RPGR: variants seen among roughly 807,000 people sequenced by gnomAD.
RPGR encodes X-linked retinitis pigmentosa GTPase regulator.
Under a neutral mutation model 56.3 loss-of-function variants are expected in RPGR, and 10 were observed. That is an observed-to-expected ratio of 0.18 (90% CI 0.11 to 0.30). RPGR has a LOEUF of 0.30. Among genes scored for constraint, RPGR ranks in the 10% least tolerant of loss-of-function variants. The pLI is 1.00. For missense variants in RPGR, 538 were observed against 590.9 expected (o/e 0.91, Z 0.93); for synonymous variants, 197 against 212.9 (o/e 0.93, Z 0.65).
At chrX:38,292,448 AT>A (rs777260945) in intron 11 of RPGR, among the ~76,000 whole-genome samples, 12 of 111,846 alleles carry the variant, frequency 1.1e-4, no homozygotes, top group Admixed American at 6.7e-4. Flanking sequence ...CTATGCCCTC[AT>A]TGATCACCAA....
In RPGR at chrX:38,319,213, T is replaced by C. The variant is rs769929985; in HGVS notation, c.311-226A>G. Among the ~76,000 whole-genome samples, 17 of 112,556 alleles carry C rather than the reference T, an allele frequency of 1.5e-4. No individual in the cohort carries two copies. The South Asian group carries it at 6.2e-3, about 41-fold the overall frequency. On this transcript the variant is annotated intron_variant, in intron 4 of 18. Transcript: ENST00000642395. ...ATCAATCTAGAATGTAACTAGCAAC[T>C]GAAATGAACAGAATGCATGGAACGT...
intron 15 of RPGR, 33 bp downstream of exon 15, chrX:38,284,375 A>G (rs76689439): frequency 0.058 from 34,864 of 601,706 alleles, 986 homozygotes; most frequent in South Asian, 0.15. Flanking sequence ...AATACTAGAC[A>G]GTTTATCTTT....
At chrX:38,315,057 C>T (rs112932649) in intron 6 of RPGR, among the ~76,000 whole-genome samples, 1,132 of 111,537 alleles carry the variant, frequency 0.01, 10 homozygotes, top group African/African-American at 0.034. Context: ...GGGCCAGACG[C>T]GGTGGCTCAC....
At position 38,269,533 on chromosome X, in the gene RPGR, A is replaced by T. The variant is rs1390561706; in HGVS notation, c.*93T>A. 1 of 616,697 alleles carries T rather than the reference A, an allele frequency of 1.6e-6. No individual in the cohort carries two copies. The highest frequency in any genetic ancestry group is 3.5e-5 in the East Asian group (1 of 28,343). The allele number at this position is 616,697 out of a possible 1,213,427, so 50.8% of individuals were successfully genotyped here. ...ACATATTAAGTCTTATATCTTTTAA[A>T]GACTACTATCAGAAACTTTACTTCA... On this transcript the variant is annotated 3_prime_UTR_variant, in exon 19 of 19. Coordinates refer to ENST00000642395, the MANE Select transcript of RPGR (RefSeq NM_000328.3).
chrX:38,325,085 G>C (rs2068023333), intron 1 of RPGR, among the ~76,000 whole-genome samples: 1 of 104,734 alleles, frequency 9.5e-6, no homozygotes, highest in African/African-American at 3.5e-5. Context: ...CAGGACAATT[G>C]CATGAACCCC....
chrX:38,273,274 T>G, intron 18 of RPGR: 5 of 552,666 alleles, frequency 9.0e-6, no homozygotes, highest in Non-Finnish European at 1.5e-5. Flanking sequence ...CTTCAGGTTT[T>G]GGGGCCATGA....
intron 8 of RPGR, among the ~76,000 whole-genome samples, chrX:38,301,686 G>C (rs1235351371): frequency 1.8e-5 from 2 of 111,290 alleles, no homozygotes; most frequent in Non-Finnish European, 3.8e-5. Context: ...TATTCCAAGG[G>C]AAGGAGAAGG....
Position 38,321,188 on chromosome X carries a change from C to T in RPGR, c.248-99G>A. ...AAGTGATAGAACCGAGATTTAATAG[C>T]GGGCTTGTCTGATTCCAAAGTCAAT... On this transcript the variant is annotated intron_variant, in intron 3 of 18. Transcript: ENST00000642395. The T allele has an allele frequency of 1.1e-5, 7 of 639,232 alleles. No individual in the cohort carries two copies. The South Asian group carries it at 1.2e-4, about 11-fold the overall frequency. The allele number at this position is 639,232 out of a possible 1,213,427, so 52.7% of individuals were successfully genotyped here.
At chrX:38,309,467 T>C (rs913448885) in intron 7 of RPGR, among the ~76,000 whole-genome samples, 7 of 112,294 alleles carry the variant, frequency 6.2e-5, no homozygotes, top group African/African-American at 1.9e-4. Context: ...ATAGAAAACA[T>C]ATACATGAGA....
chrX:38,300,042 C>T (rs1395669660), intron 9 of RPGR, among the ~76,000 whole-genome samples: 8 of 110,285 alleles, frequency 7.3e-5, no homozygotes, highest in African/African-American at 2.3e-4. Flanking sequence ...CTCTGCCTCC[C>T]GGATTCAAGC....
chrX:38,287,430 A>G, intron 14 of RPGR, 185 bp from the exon 15 acceptor site: 1 of 690,118 alleles, frequency 1.4e-6, no homozygotes, highest in Non-Finnish European at 2.3e-6. Context: ...GGAATCCATC[A>G]GCTATACCCT....
Position 38,273,451 on chromosome X carries a change from T to C in RPGR, c.2176A>G (p.Ser726Gly). Residue 726 changes from serine (S) to glycine (G), a missense_variant, in exon 18 of 19, where the codon AGT becomes GGT. Coordinates refer to ENST00000642395, the MANE Select transcript of RPGR (RefSeq NM_000328.3). Reference sequence around the variant, plus strand: ...CTGTTTTCTAGGATTTCTAATGAACTGCTATCTGCATCATCAAGCATGTAT... The same window carrying C: ...CTGTTTTCTAGGATTTCTAATGAACCGCTATCTGCATCATCAAGCATGTAT... The C allele has an allele frequency of 8.3e-7, 1 of 1,204,885 alleles. No individual in the cohort carries two copies.
chrX:38,304,868 C>T (rs2067567021), intron 7 of RPGR, 78 bp from the exon 8 acceptor site: 3 of 963,889 alleles, frequency 3.1e-6, no homozygotes, highest in East Asian at 3.2e-5. Context: ...AAAACTGTCA[C>T]GTTCAACCTT....
intron 4 of RPGR, among the ~76,000 whole-genome samples, 174 bp from the exon 5 acceptor site, chrX:38,319,161 G>A (rs1189390054): frequency 8.9e-6 from 1 of 112,161 alleles, no homozygotes; most frequent in Non-Finnish European, 1.9e-5. Context: ...AACAAGCAAG[G>A]CCACATATTT....
At position 38,287,940 on chromosome X, in the gene RPGR, T is replaced by C. The variant is rs2067218066; in HGVS notation, c.1674A>G (p.Ala558=). ...TCCCTTGTGACACATGTTGTTTACA[T>C]GCTTTCCCTTCTTTCATTTCTGACA... The change falls in exon 14 of 19, where the codon GCA becomes GCG. Residue 558 remains alanine (A), a synonymous_variant. Transcript: ENST00000642395. 8.3e-7 allele frequency: 1 copy of C among 1,210,761 alleles called. No homozygotes were observed. Among genetic ancestry groups the C allele is most frequent in the Non-Finnish European group, 1.1e-6 (1 of 894,595 alleles).
intron 17 of RPGR, among the ~76,000 whole-genome samples, chrX:38,274,404 T>G (rs1327021239): frequency 8.9e-6 from 1 of 112,242 alleles, no homozygotes; most frequent in Non-Finnish European, 1.9e-5. Flanking sequence ...CCAACTTGGT[T>G]GGGCAATGGA....
Position 38,285,999 on chromosome X carries a change from C to CTCCCCTTCTTCT in RPGR, c.1905+1083_1905+1094dup. On this transcript the variant is annotated intron_variant, in intron 15 of 18. Transcript: ENST00000642395. ...CTTCTTCCTCTCCCTCTCCTTCTTC[C>CTCCCCTTCTTCT]TCCCCTTCTTCTTCCCCTTCCTCCT... 6.9e-6 allele frequency: 7 copies of CTCCCCTTCTTCT among 1,015,578 alleles called. No homozygotes were observed. The highest frequency in any genetic ancestry group is 2.2e-5 in the African/African-American group (1 of 45,412). The allele number at this position is 1,015,578 out of a possible 1,213,427, so 83.7% of individuals were successfully genotyped here.
At chrX:38,281,134 T>C (rs745699030) in intron 15 of RPGR, among the ~76,000 whole-genome samples, 15 of 112,846 alleles carry the variant, frequency 1.3e-4, no homozygotes, top group Non-Finnish European at 2.2e-4. Context: ...AATATCTTGC[T>C]GGCGAGCATT....
chrX:38,315,940 T>C (rs2067819754), intron 6 of RPGR, among the ~76,000 whole-genome samples: 1 of 109,391 alleles, frequency 9.1e-6, no homozygotes, highest in African/African-American at 3.3e-5. Context: ...AAATAATCCA[T>C]TTTTTCTGAT....
Sources: gnomAD v4.1 joint callset for allele counts (sites outside exome capture counted in the v4.1 genomes callset) on GRCh38, gnomAD v4.1.1 for gene constraint, MANE v1.5 for transcripts, NCBI Gene and HGNC (gene_info 2026-07-23, HGNC 2026-07-21) for gene names.